The following EVL variants were observed in gnomAD, a reference collection of about 807,000 sequenced individuals.
EVL encodes Enah/Vasp-like, also known as ena/VASP-like protein.
Under a neutral mutation model 59.6 loss-of-function variants are expected in EVL, and 21 were observed. The observed-to-expected ratio is 0.35, with a 90% CI of 0.25 to 0.51. The LOEUF is 0.51. Ranked by LOEUF, EVL falls within the 20% of genes least tolerant of loss-of-function variation. The probability of loss-of-function intolerance (pLI) is 0.97; values close to 1 mark genes in which losing one functional copy is unlikely to be tolerated. For missense variants in EVL, 462 were observed against 546.6 expected (o/e 0.85, Z 1.54); for synonymous variants, 198 against 203.5 (o/e 0.97, Z 0.23).
upstream of EVL, among the ~76,000 whole-genome samples, chr14:100,060,548 G>C (rs886253655): frequency 1.3e-5 from 2 of 152,148 alleles, no homozygotes; most frequent in Admixed American, 6.5e-5. Flanking sequence ...AGTGGACTTG[G>C]AGACAGATCA....
intron 3 of EVL, among the ~76,000 whole-genome samples, chr14:100,101,370 A>C (rs1349844403): frequency 6.6e-6 from 1 of 152,252 alleles, no homozygotes; most frequent in African/African-American, 2.4e-5. Flanking sequence ...AATCCCAGTT[A>C]CTCGGGAGGC....
chr14:100,072,366 C>G (rs1220955899), intron 1 of EVL, among the ~76,000 whole-genome samples: 1 of 152,146 alleles, frequency 6.6e-6, no homozygotes, highest in African/African-American at 2.4e-5. Flanking sequence ...TCCCGAGTAG[C>G]TGGGACTACA....
intron 2 of EVL, among the ~76,000 whole-genome samples, chr14:100,089,959 A>G (rs529372648): frequency 1.3e-5 from 2 of 152,310 alleles, no homozygotes; most frequent in African/African-American, 4.8e-5. Flanking sequence ...AAAAGTACAT[A>G]TGGGGAAATT....
intron 2 of EVL, among the ~76,000 whole-genome samples, chr14:100,091,597 C>T (rs1038054823): frequency 1.3e-5 from 2 of 152,182 alleles, no homozygotes; most frequent in Admixed American, 6.5e-5. Context: ...GCATCCTTTG[C>T]CCTGTGCGTC....
chr14:100,025,172 A>G (rs1040867678), intron 1 of EVL, among the ~76,000 whole-genome samples: 1 of 151,482 alleles, frequency 6.6e-6, no homozygotes, highest in African/African-American at 2.4e-5. Context: ...CAAACCACCC[A>G]CCTCCCCTCC....
At chr14:100,028,676 T>A (rs2061262072) in intron 1 of EVL, among the ~76,000 whole-genome samples, 1 of 152,112 alleles carries the variant, frequency 6.6e-6, no homozygotes, top group South Asian at 2.1e-4. Flanking sequence ...CGAGGCATGG[T>A]GACACGCACC....
intron 1 of EVL, chr14:99,978,212 C>CA (rs2060783448): frequency 1.3e-5 from 2 of 151,418 alleles, no homozygotes; most frequent in African/African-American, 4.9e-5. Flanking sequence ...TCCTGGCTAA[C>CA]ACGGTGAAAC....
chr14:99,997,052 C>T (rs116854560), intron 1 of EVL, among the ~76,000 whole-genome samples: 2,061 of 152,306 alleles, frequency 0.014, 31 homozygotes, highest in South Asian at 0.037. Flanking sequence ...TTGAGAGTCA[C>T]GGTACTGACT....
chr14:100,141,301 G>A lies in EVL; in HGVS notation c.1161+55G>A, dbSNP rs1056590138. 17 of 1,595,268 alleles carry A rather than the reference G, an allele frequency of 1.1e-5. No homozygotes were observed. The East Asian group carries it at 1.6e-4, about 15-fold the overall frequency. ...AGGCTGAGGGCAGCCAGCAGGCGGGGGACCGTCTCTGACCAGCATGGCCAG... is the reference window on the plus strand; with the variant it reads ...AGGCTGAGGGCAGCCAGCAGGCGGGAGACCGTCTCTGACCAGCATGGCCAG... On this transcript the variant is annotated intron_variant, in intron 12 of 13. Coordinates refer to ENST00000392920, the MANE Select transcript of EVL (RefSeq NM_016337.3).
intron 1 of EVL, among the ~76,000 whole-genome samples, chr14:99,999,124 A>G (rs770687328): frequency 9.2e-5 from 14 of 152,270 alleles, no homozygotes; most frequent in South Asian, 8.3e-4. Context: ...GTGAAGGGCT[A>G]TATTTCTAGT....
intron 3 of EVL, chr14:100,102,178 T>A: frequency 2.2e-6 from 1 of 447,728 alleles, no homozygotes; most frequent in Non-Finnish European, 4.5e-6. Flanking sequence ...AACATTTGCA[T>A]ACATTAGTAG....
At chr14:100,048,934 G>A (rs377536322) in intron 1 of EVL, among the ~76,000 whole-genome samples, 2 of 152,284 alleles carry the variant, frequency 1.3e-5, no homozygotes, top group Non-Finnish European at 2.9e-5. Context: ...GCTGGGAATT[G>A]GTGGGGGCGG....
At chr14:99,977,220 C>G (rs962636541) in intron 1 of EVL, 1 of 152,062 alleles carries the variant, frequency 6.6e-6, no homozygotes, top group Non-Finnish European at 1.5e-5. Flanking sequence ...GTCTTTAACT[C>G]CTCTTAATAA....
At chr14:100,082,375 A>T (rs1374249314) in intron 1 of EVL, among the ~76,000 whole-genome samples, 1 of 152,084 alleles carries the variant, frequency 6.6e-6, no homozygotes, top group African/African-American at 2.4e-5. Flanking sequence ...AGTTACTGGG[A>T]TGGCGAGGGG....
At chr14:100,004,693 A>G (rs1193970157) in intron 1 of EVL, among the ~76,000 whole-genome samples, 2 of 152,164 alleles carry the variant, frequency 1.3e-5, no homozygotes, top group East Asian at 1.9e-4. Context: ...ATTGTTTCTC[A>G]TATAAAATTA....
intron 8 of EVL, among the ~76,000 whole-genome samples, chr14:100,134,337 G>A (rs1055727343): frequency 3.9e-5 from 6 of 152,176 alleles, no homozygotes; most frequent in African/African-American, 9.7e-5. Context: ...TAAAACTCTC[G>A]CTCCTGGAGC....
chr14:100,021,114 C>A (rs934061781), intron 1 of EVL, among the ~76,000 whole-genome samples: 1 of 152,170 alleles, frequency 6.6e-6, no homozygotes, highest in East Asian at 1.9e-4. Flanking sequence ...AGCGCAATTG[C>A]GTAGTTCACG....
intron 3 of EVL, chr14:100,102,307 C>T (rs1886272564): frequency 4.4e-6 from 2 of 455,928 alleles, no homozygotes; most frequent in African/African-American, 2.0e-5. Flanking sequence ...TCCCCAGGTG[C>T]GTGCATCCTC....
intron 3 of EVL, chr14:100,107,618 A>T (rs1379438357): frequency 8.1e-5 from 21 of 257,848 alleles, no homozygotes; most frequent in Non-Finnish European, 1.2e-4. Flanking sequence ...AGGTGCATGG[A>T]AAGCAGTGCT....
Sources: allele counts gnomAD v4.1 joint callset (sites outside exome capture counted in the v4.1 genomes callset), GRCh38; gene constraint gnomAD v4.1.1; transcripts MANE v1.5; gene names NCBI Gene and HGNC (gene_info 2026-07-23, HGNC 2026-07-21).